The following PLCL1 variants were observed in gnomAD, a reference collection of about 807,000 sequenced individuals.
The protein encoded by PLCL1 is inactive phospholipase C-like protein 1.
PLCL1 carries 41 observed loss-of-function variants against 84.4 expected under a neutral mutation model. That is an observed-to-expected ratio of 0.49 (90% CI 0.38 to 0.63). The LOEUF (loss-of-function observed/expected upper bound fraction) is 0.63. Among genes scored for constraint, PLCL1 ranks in the 30% least tolerant of loss-of-function variants. The pLI, the probability that PLCL1 is intolerant of heterozygous loss-of-function variation, is 0.00. For missense variants in PLCL1, 1,206 were observed against 1,367.8 expected (o/e 0.88, Z 1.87); for synonymous variants, 490 against 488.3 (o/e 1.00, Z -0.05).
chr2:198,086,672 G>A (rs539842865), intron 2 of PLCL1, among the ~76,000 whole-genome samples: 2 of 152,252 alleles, frequency 1.3e-5, no homozygotes, highest in South Asian at 4.1e-4. Flanking sequence ...ATTGAACTAA[G>A]TTCAGTATTG....
At chr2:198,139,852 G>T (rs1253732061) in intron 5 of PLCL1, among the ~76,000 whole-genome samples, 2 of 152,086 alleles carry the variant, frequency 1.3e-5, no homozygotes, top group African/African-American at 4.8e-5. Flanking sequence ...GAAGAGATGG[G>T]TGTATCTCAG....
intron 1 of PLCL1, among the ~76,000 whole-genome samples, chr2:197,941,179 G>A (rs1357810439): frequency 6.6e-6 from 1 of 152,184 alleles, no homozygotes; most frequent in Non-Finnish European, 1.5e-5. Context: ...CACTAGCAAA[G>A]TACCCAAAGA....
chr2:197,895,552 C>G (rs888787147), intron 1 of PLCL1, among the ~76,000 whole-genome samples: 1 of 151,832 alleles, frequency 6.6e-6, no homozygotes, highest in African/African-American at 2.4e-5. Context: ...GTATATACTA[C>G]TATCATTTTG....
intron 1 of PLCL1, among the ~76,000 whole-genome samples, chr2:197,922,439 G>C (rs1237304978): frequency 8.9e-6 from 1 of 112,784 alleles, no homozygotes; most frequent in African/African-American, 3.1e-5. Context: ...GCAACCATCC[G>C]ATTTCTCAAT....
intron 1 of PLCL1, among the ~76,000 whole-genome samples, chr2:197,904,034 C>T (rs983395255): frequency 6.8e-6 from 1 of 146,892 alleles, no homozygotes; most frequent in African/African-American, 2.5e-5. Context: ...AACTCCTGGC[C>T]TTAGGCGATC....
chr2:198,131,837 A>T (rs1284585323), intron 5 of PLCL1, among the ~76,000 whole-genome samples: 2 of 152,196 alleles, frequency 1.3e-5, no homozygotes, highest in East Asian at 3.9e-4. Flanking sequence ...AGGCTTCTTG[A>T]AGTGAGACTG....
At chr2:197,821,982 G>A (rs757542790) in intron 1 of PLCL1, among the ~76,000 whole-genome samples, 5 of 152,118 alleles carry the variant, frequency 3.3e-5, no homozygotes, top group Non-Finnish European at 5.9e-5. Flanking sequence ...ACCAGAACAC[G>A]GCTCATGTGC....
chr2:198,008,921 T>C (rs1559072443), intron 1 of PLCL1, among the ~76,000 whole-genome samples: 1 of 152,048 alleles, frequency 6.6e-6, no homozygotes, highest in East Asian at 1.9e-4. Context: ...TGATATTTCA[T>C]TGTGGTTTTT....
chr2:197,919,301 C>A (rs1314048401), intron 1 of PLCL1, among the ~76,000 whole-genome samples: 1 of 152,086 alleles, frequency 6.6e-6, no homozygotes, highest in East Asian at 1.9e-4. Flanking sequence ...TAAGACAACA[C>A]CCATAGGGTC....
intron 1 of PLCL1, among the ~76,000 whole-genome samples, chr2:197,922,923 C>T (rs1242766959): frequency 8.0e-6 from 1 of 125,110 alleles, no homozygotes; most frequent in African/African-American, 2.9e-5. Flanking sequence ...CCACCTCCCT[C>T]CCAGATGGGG....
intron 5 of PLCL1, among the ~76,000 whole-genome samples, chr2:198,130,925 A>G (rs963017099): frequency 6.6e-6 from 1 of 152,112 alleles, no homozygotes; most frequent in East Asian, 1.9e-4. Context: ...AAAGCTGGTC[A>G]TGGCCATTCT....
At chr2:197,901,137 T>TA (rs1688258112) in intron 1 of PLCL1, among the ~76,000 whole-genome samples, 1 of 152,176 alleles carries the variant, frequency 6.6e-6, no homozygotes, top group Admixed American at 6.5e-5. Context: ...CCTTTCATGA[T>TA]AAGGGCTACA....
chr2:198,120,653 C>T (rs1693847060), intron 5 of PLCL1, among the ~76,000 whole-genome samples: 3 of 152,016 alleles, frequency 2.0e-5, no homozygotes, highest in Non-Finnish European at 4.4e-5. Flanking sequence ...GACAGGATCT[C>T]AATCTTTTTT....
chr2:198,124,557 T>C (rs1182868331), intron 5 of PLCL1, among the ~76,000 whole-genome samples: 1 of 151,980 alleles, frequency 6.6e-6, no homozygotes, highest in Non-Finnish European at 1.5e-5. Context: ...TCCTGGGAAA[T>C]TGGGACCTAG....
At position 197,953,072 on chromosome 2, in the gene PLCL1, C is replaced by G. The variant is rs77488953; in HGVS notation, c.241-130686C>G. On this transcript the variant is annotated intron_variant, in intron 1 of 5. Coordinates refer to ENST00000428675, the MANE Select transcript of PLCL1 (RefSeq NM_006226.4). ...TATAGCTGGTGCCTCCACACTGTAT[C>G]TCATTGAATTCAATTTTGAGAACAA... Among the ~76,000 whole-genome samples the G allele has an allele frequency of 8.3e-3, 1,259 of 152,140 alleles. 18 individuals are homozygous for G. The highest frequency in any genetic ancestry group is 0.029 in the African/African-American group (1,188 of 41,524).
chr2:198,030,982 A>G (rs537893332), intron 1 of PLCL1, among the ~76,000 whole-genome samples: 20 of 152,314 alleles, frequency 1.3e-4, no homozygotes, highest in Non-Finnish European at 2.4e-4. Flanking sequence ...GATAAGCTTA[A>G]TTAAAATATC....
At chr2:198,092,030 G>A (rs1229553907) in intron 3 of PLCL1, among the ~76,000 whole-genome samples, 1 of 146,954 alleles carries the variant, frequency 6.8e-6, no homozygotes, top group Non-Finnish European at 1.5e-5. Context: ...AGTTTTACCT[G>A]CCGCTCCCAA....
At chr2:198,133,536 A>G (rs897278687) in intron 5 of PLCL1, among the ~76,000 whole-genome samples, 1 of 151,680 alleles carries the variant, frequency 6.6e-6, no homozygotes, top group Non-Finnish European at 1.5e-5. Context: ...TAAAAAAAAA[A>G]AACTTCCAAG....
chr2:197,953,019 TATTTGTAG>T (rs890696620), intron 1 of PLCL1, among the ~76,000 whole-genome samples: 1 of 152,074 alleles, frequency 6.6e-6, no homozygotes, highest in African/African-American at 2.4e-5. Context: ...GAATAGGCAC[TATTTGTAG>T]AGAGCTGCCC....
Sources: allele counts gnomAD v4.1 joint callset (sites outside exome capture counted in the v4.1 genomes callset), GRCh38; gene constraint gnomAD v4.1.1; transcripts MANE v1.5; gene names NCBI Gene and HGNC (gene_info 2026-07-23, HGNC 2026-07-21).